The following MACROH2A2 variants were observed in gnomAD, a reference collection of about 807,000 sequenced individuals.
MACROH2A2 encodes core histone macro-H2A.2.
MACROH2A2 carries 6 observed loss-of-function variants against 37.6 expected under a neutral mutation model. The ratio of observed to expected loss-of-function variants is 0.16; its 90% CI spans 0.09 to 0.32. The LOEUF (loss-of-function observed/expected upper bound fraction) is 0.32. Ranked by LOEUF, MACROH2A2 falls within the 10% of genes least tolerant of loss-of-function variation. The probability of loss-of-function intolerance (pLI) is 1.00; values close to 1 mark genes in which losing one functional copy is unlikely to be tolerated. For missense variants in MACROH2A2, 290 were observed against 485.9 expected (o/e 0.60, Z 3.79); for synonymous variants, 192 against 202.7 (o/e 0.95, Z 0.45).
At chr10:70,098,851 T>C (rs1393619372) in intron 6 of MACROH2A2, 1 of 152,334 alleles carries the variant, frequency 6.6e-6, no homozygotes, top group African/African-American at 2.4e-5. Flanking sequence ...ATTCTCATTC[T>C]AGCATTGCTC....
chr10:70,092,104 G>C (rs76382064), intron 4 of MACROH2A2, 150 bp downstream of exon 4: 5 of 656,856 alleles, frequency 7.6e-6, no homozygotes, highest in African/African-American at 1.8e-5. Context: ...TCATGAGGGC[G>C]AGTCCTCACG....
At chr10:70,062,531 T>C (rs1003377968) in intron 1 of MACROH2A2, among the ~76,000 whole-genome samples, 2 of 152,230 alleles carry the variant, frequency 1.3e-5, no homozygotes, top group African/African-American at 4.8e-5. Context: ...TATTTCTAGA[T>C]TTAAAATAAT....
chr10:70,057,586 T>C (rs1305006894), intron 1 of MACROH2A2, among the ~76,000 whole-genome samples: 1 of 152,036 alleles, frequency 6.6e-6, no homozygotes, highest in Admixed American at 6.5e-5. Context: ...GCTCTCAGGG[T>C]TTTCCTAGAG....
intron 8 of MACROH2A2, among the ~76,000 whole-genome samples, chr10:70,109,986 C>T (rs1372751726): frequency 6.6e-6 from 1 of 152,156 alleles, no homozygotes; most frequent in Non-Finnish European, 1.5e-5. Context: ...TGGTTTATAG[C>T]TGTGTCCTGG....
At chr10:70,083,477 C>T (rs972801311) in intron 2 of MACROH2A2, among the ~76,000 whole-genome samples, 2 of 152,170 alleles carry the variant, frequency 1.3e-5, no homozygotes, top group African/African-American at 4.8e-5. Flanking sequence ...TCTACTGCTC[C>T]TGTCAGGTTT....
chr10:70,082,138 GGCCGGGCGCAGTGGCTCAC>G (rs1564543913), intron 2 of MACROH2A2, among the ~76,000 whole-genome samples: 2 of 152,176 alleles, frequency 1.3e-5, no homozygotes, highest in Non-Finnish European at 1.5e-5. Flanking sequence ...GCAGGGACTC[GGCCGGGCGCAGTGGCTCAC>G]GCCTGTAATC....
Position 70,109,221 on chromosome 10 carries a change from C to A in MACROH2A2, c.953+14C>A. On this transcript the variant is annotated intron_variant, in intron 8 of 8. Coordinates refer to ENST00000373255, the MANE Select transcript of MACROH2A2 (RefSeq NM_018649.3). ...CCCCAGCGGCAGGTAAGATGCAGTT[C>A]CCCTGAGTTGATTCCTCCGGCTTTT... The A allele has an allele frequency of 6.2e-7, 1 of 1,608,042 alleles. No individual in the cohort carries two copies. The highest frequency in any genetic ancestry group is 8.5e-7 in the Non-Finnish European group (1 of 1,175,166).
At chr10:70,084,801 C>T (rs976794169) in intron 2 of MACROH2A2, among the ~76,000 whole-genome samples, 4 of 151,966 alleles carry the variant, frequency 2.6e-5, no homozygotes, top group East Asian at 1.9e-4. Flanking sequence ...GGGGTTTCGC[C>T]GTGTTGCCCA....
chr10:70,083,323 CA>C (rs1357718927), intron 2 of MACROH2A2, among the ~76,000 whole-genome samples: 4 of 152,184 alleles, frequency 2.6e-5, no homozygotes, highest in African/African-American at 7.2e-5. Context: ...CCTCATTACA[CA>C]ACTCTTAAGT....
Position 70,075,551 on chromosome 10 carries a change from AG to A in MACROH2A2, c.-59-48del, listed in dbSNP as rs2072134539. On this transcript the variant is annotated intron_variant, in intron 1 of 8. Transcript: ENST00000373255. This position sits in a 1 kb window ranked among gnomAD's most constrained non-coding sequence, Gnocchi z 5.0. Reference sequence around the variant, plus strand: ...CCCAAGGGCCATGCCACTGTGCCCAAGATGTTTGCCAACTACCCTTCCTCAA... The same window carrying A: ...CCCAAGGGCCATGCCACTGTGCCCAAATGTTTGCCAACTACCCTTCCTCAA... The A allele has an allele frequency of 9.1e-7, 1 of 1,099,230 alleles. No homozygotes were observed. Among genetic ancestry groups the A allele is most frequent in the East Asian group, 2.4e-5 (1 of 42,078 alleles). 68.1% of individuals were successfully genotyped at this position (1,099,230 alleles called of 1,614,324 possible).
At chr10:70,072,174 T>A (rs1832989053) in intron 1 of MACROH2A2, among the ~76,000 whole-genome samples, 1 of 152,154 alleles carries the variant, frequency 6.6e-6, no homozygotes, top group South Asian at 2.1e-4. Context: ...CATATTTTCC[T>A]TCTTTATAGC....
At position 70,077,657 on chromosome 10, in the gene MACROH2A2, G is replaced by A. The variant is rs183974859; in HGVS notation, c.172+1827G>A. 6.5e-3 allele frequency among the ~76,000 whole-genome samples: 984 copies of A among 152,324 alleles called. 7 individuals carry two copies. Among genetic ancestry groups the A allele is most frequent in the African/African-American group, 0.022 (916 of 41,568 alleles). Reference sequence around the variant, plus strand: ...GAGGCCGAGGCGGGCAGATCACGAGGTCAGGAGATCGAGACCATCCTAGCT... The same window carrying A: ...GAGGCCGAGGCGGGCAGATCACGAGATCAGGAGATCGAGACCATCCTAGCT... On this transcript the variant is annotated intron_variant, in intron 2 of 8. Transcript: ENST00000373255.
chr10:70,080,394 C>T (rs2072168939), intron 2 of MACROH2A2, among the ~76,000 whole-genome samples: 2 of 152,078 alleles, frequency 1.3e-5, no homozygotes, highest in African/African-American at 2.4e-5. Context: ...AACCAGGCTG[C>T]AGCAGGAGGG....
At chr10:70,062,632 C>T (rs1324110122) in intron 1 of MACROH2A2, among the ~76,000 whole-genome samples, 2 of 152,136 alleles carry the variant, frequency 1.3e-5, no homozygotes, top group Non-Finnish European at 2.9e-5. Flanking sequence ...AGTCTAGATC[C>T]TTTGTCAAGG....
At chr10:70,101,169 C>A (rs2072304739) in intron 7 of MACROH2A2, among the ~76,000 whole-genome samples, 2 of 152,216 alleles carry the variant, frequency 1.3e-5, no homozygotes, top group African/African-American at 4.8e-5. Context: ...AGGCCCCGAG[C>A]TCTGGAAGCC....
rs552360653 is a variant in MACROH2A2, at chr10:70,066,879, A to T, written c.-59-8721A>T. Among the ~76,000 whole-genome samples the T allele has an allele frequency of 4.6e-5, 7 of 152,274 alleles. No individual in the cohort carries two copies. In the East Asian group the frequency reaches 1.4e-3, roughly 29 times the overall value. On this transcript the variant is annotated intron_variant, in intron 1 of 8. Transcript: ENST00000373255. ...CCTTCTTGTTTCAGCTCACAATGCA[A>T]TCAAGTGCCCTTTCCATGCCCTATT...
chr10:70,073,143 C>G (rs941793335), intron 1 of MACROH2A2, among the ~76,000 whole-genome samples: 1 of 152,168 alleles, frequency 6.6e-6, no homozygotes, highest in Non-Finnish European at 1.5e-5. Context: ...TAGCAAGAGC[C>G]ACCTCCATTT....
chr10:70,067,929 C>T (rs539801780), intron 1 of MACROH2A2, among the ~76,000 whole-genome samples: 1 of 152,104 alleles, frequency 6.6e-6, no homozygotes, highest in Non-Finnish European at 1.5e-5. Flanking sequence ...TTCTTTGGCA[C>T]AGATAGAGAC....
At chr10:70,111,314 C>T (rs1384817789) in intron 8 of MACROH2A2, among the ~76,000 whole-genome samples, 3 of 152,102 alleles carry the variant, frequency 2.0e-5, no homozygotes, top group Non-Finnish European at 4.4e-5. Flanking sequence ...TGTGCCTCTC[C>T]GAGTCAGTGT....
Sources: gnomAD v4.1 joint callset for allele counts (sites outside exome capture counted in the v4.1 genomes callset) on GRCh38, gnomAD v4.1.1 for gene constraint, Gnocchi (gnomAD v3.1) non-coding constraint, MANE v1.5 for transcripts, NCBI Gene and HGNC (gene_info 2026-07-23, HGNC 2026-07-21) for gene names.